GTF3C1: variants seen among roughly 807,000 people sequenced by gnomAD.
GTF3C1 encodes general transcription factor 3C polypeptide 1.
Under a neutral mutation model 226.7 loss-of-function variants are expected in GTF3C1, and 57 were observed. That is an observed-to-expected ratio of 0.25 (90% CI 0.20 to 0.31). The LOEUF (loss-of-function observed/expected upper bound fraction) is 0.31. GTF3C1 is among the 10% of genes least tolerant of loss of function. GTF3C1 has a pLI of 1.00. For synonymous variants in GTF3C1, 1,090 were observed against 1,084.8 expected (o/e 1.00, Z -0.09); for missense variants, 2,217 against 2,776.1 (o/e 0.80, Z 4.53).
chr16:27,465,917 C>A (rs999253717), intron 32 of GTF3C1: 11 of 267,914 alleles, frequency 4.1e-5, no homozygotes, highest in Non-Finnish European at 8.0e-5. Flanking sequence ...TCCTGCTGCT[C>A]ATGTACCCAC....
At chr16:27,514,895 C>A (rs748630266) in intron 6 of GTF3C1, among the ~76,000 whole-genome samples, 2 of 152,212 alleles carry the variant, frequency 1.3e-5, no homozygotes, top group African/African-American at 2.4e-5. Context: ...AATAGAAGAG[C>A]GGCGCGGCGC....
chr16:27,520,008 G>C (rs1258046947), intron 6 of GTF3C1, among the ~76,000 whole-genome samples: 1 of 152,196 alleles, frequency 6.6e-6, no homozygotes, highest in East Asian at 1.9e-4. Context: ...CCACTACTTG[G>C]GAGGGTAAGG....
chr16:27,484,489 C>T (rs1412396862), intron 24 of GTF3C1, 136 bp from the exon 25 acceptor site: 1 of 633,780 alleles, frequency 1.6e-6, no homozygotes, highest in East Asian at 2.7e-5. Context: ...TGTCACCTCA[C>T]AATATTTACT....
intron 21 of GTF3C1, 151 bp downstream of exon 21, chr16:27,488,892 G>A: frequency 7.9e-6 from 6 of 758,266 alleles, no homozygotes; most frequent in Non-Finnish European, 1.4e-5. Flanking sequence ...CATCCACTGG[G>A]AATAAAACAG....
chr16:27,489,495 C>T, intron 20 of GTF3C1, 107 bp downstream of exon 20: 1 of 839,798 alleles, frequency 1.2e-6, no homozygotes, highest in Non-Finnish European at 1.9e-6. Context: ...ACCGGAGACA[C>T]AGGCCGTCTG....
chr16:27,478,676 T>C, intron 27 of GTF3C1, 145 bp from the exon 28 acceptor site: 3 of 701,338 alleles, frequency 4.3e-6, no homozygotes, highest in Admixed American at 2.0e-5. Flanking sequence ...GTGCTGTGCA[T>C]GTAAATTAAA....
Position 27,461,194 on chromosome 16 carries a change from G to A in GTF3C1, c.*156C>T, listed in dbSNP as rs1212533703. ...CTCTTTCCAGAGTTCCAGTACAGTG[G>A]GAAACGTGTCAGTCTGTGACTCTGG... is the stretch of plus-strand genomic sequence containing the variant. On this transcript the variant is annotated 3_prime_UTR_variant, in exon 37 of 37. Transcript: ENST00000356183. This position sits in a 1 kb window ranked among gnomAD's most constrained non-coding sequence, Gnocchi z 5.3. 4 of 595,110 alleles carry A rather than the reference G, an allele frequency of 6.7e-6. No individual in the cohort carries two copies. The East Asian group carries it at 8.3e-5, about 12-fold the overall frequency. The allele number at this position is 595,110 out of a possible 1,614,324, so 36.9% of individuals were successfully genotyped here. A position where few individuals can be genotyped will look rare whatever the true frequency, so the allele number is the denominator to read the frequency against.
intron 4 of GTF3C1, 72 bp downstream of exon 4, chr16:27,537,712 C>T (rs1270342874): frequency 4.5e-6 from 5 of 1,120,230 alleles, no homozygotes; most frequent in South Asian, 4.4e-5. Context: ...CCAGCTGCCC[C>T]TACAATTTTT....
intron 33 of GTF3C1, 95 bp downstream of exon 33, chr16:27,465,165 T>C (rs951220801): frequency 7.1e-6 from 8 of 1,132,572 alleles, no homozygotes; most frequent in East Asian, 2.3e-5. Flanking sequence ...CGCAGCATGC[T>C]ATGCCCCAAA....
intron 7 of GTF3C1, among the ~76,000 whole-genome samples, chr16:27,509,292 T>C (rs1316396810): frequency 6.6e-6 from 1 of 152,246 alleles, no homozygotes. Context: ...TATGTCAGGA[T>C]TGTGAGTATA....
chr16:27,474,415 G>A (rs933482397), intron 29 of GTF3C1, among the ~76,000 whole-genome samples: 11 of 152,226 alleles, frequency 7.2e-5, no homozygotes, highest in South Asian at 2.1e-4. Context: ...AGCTTTTGCC[G>A]TTGGGGCTGG....
chr16:27,480,738 C>A, intron 27 of GTF3C1: 1 of 261,296 alleles, frequency 3.8e-6, no homozygotes, highest in Non-Finnish European at 7.4e-6. Context: ...CTCCTATGTT[C>A]AAATCCTGGC....
rs75102029 is a variant in GTF3C1, at chr16:27,530,119, T to C, written c.850-1398A>G. On this transcript the variant is annotated intron_variant, in intron 5 of 36. Transcript: ENST00000356183. ...TGAATCTTACAGCTTTCCTCTTACA[T>C]TCTGGGGGGAGAGACAGGGAGCAAA... Among the ~76,000 whole-genome samples the C allele has an allele frequency of 9.5e-3, 1,450 of 152,246 alleles. 19 individuals carry two copies. The highest frequency in any genetic ancestry group is 0.025 in the African/African-American group (1,040 of 41,538).
rs143982942 is a variant in GTF3C1 at position 27,464,324 on chromosome 16, G to A, written c.5868C>T (p.Pro1956=). The A allele has an allele frequency of 4.0e-6, 6 of 1,493,524 alleles. No homozygotes were observed. The highest frequency in any genetic ancestry group is 5.3e-6 in the Non-Finnish European group (6 of 1,123,828). 92.5% of individuals were successfully genotyped at this position (1,493,524 alleles called of 1,614,324 possible). ...GGGGGACAAGGCGCGCGGTACCTCTGGGGTCTTCAGAGCCCTCTGGAGGCT... is the reference window on the plus strand; with the variant it reads ...GGGGGACAAGGCGCGCGGTACCTCTAGGGTCTTCAGAGCCCTCTGGAGGCT... ...QAQPPEGSED[P]RGFTESFGAA... The change falls in exon 34 of 37, where the codon CCC becomes CCT. Residue 1956 remains proline, a synonymous_variant. Transcript: ENST00000356183.
At chr16:27,527,698 G>A (rs926545420) in intron 6 of GTF3C1, among the ~76,000 whole-genome samples, 4 of 152,088 alleles carry the variant, frequency 2.6e-5, no homozygotes, top group African/African-American at 9.7e-5. Flanking sequence ...ACTTCACAAA[G>A]GCAGGCTAAA....
rs1353651750 is a variant in GTF3C1 at position 27,463,297 on chromosome 16, G to A, written c.5924+244C>T. ...CAGCACCAGGCATGGTTCTCCACCA[G>A]CGCCCTGGGCATTCTGGAAGCGCAG... On this transcript the variant is annotated intron_variant, in intron 35 of 36. Transcript: ENST00000356183. This position sits in a 1 kb window ranked among gnomAD's most constrained non-coding sequence, Gnocchi z 4.9. 4 of 541,138 alleles carry A rather than the reference G, an allele frequency of 7.4e-6. No individual in the cohort carries two copies. The highest frequency in any genetic ancestry group is 1.3e-5 in the Non-Finnish European group (4 of 306,614). The allele number at this position is 541,138 out of a possible 1,614,324, so 33.5% of individuals were successfully genotyped here. A position where few individuals can be genotyped will look rare whatever the true frequency, so the allele number is the denominator to read the frequency against.
Position 27,471,195 on chromosome 16 carries a change from C to T in GTF3C1, c.4526+553G>A, listed in dbSNP as rs568060194. On this transcript the variant is annotated intron_variant, in intron 30 of 36. Transcript: ENST00000356183. This position sits in a 1 kb window ranked among gnomAD's most constrained non-coding sequence, Gnocchi z 5.0. Reference sequence around the variant, plus strand: ...TGGTGTGAAGGGGAAGCCGTCAAGACGGCAGCTTAGGAATGTTCTCAGGGA... The same window carrying T: ...TGGTGTGAAGGGGAAGCCGTCAAGATGGCAGCTTAGGAATGTTCTCAGGGA... Among the ~76,000 whole-genome samples, 5 of 152,354 alleles carry T rather than the reference C, an allele frequency of 3.3e-5. No homozygotes were observed. The highest frequency in any genetic ancestry group is 4.8e-5 in the African/African-American group (2 of 41,580).
chr16:27,485,954 C>T lies in GTF3C1; in HGVS notation c.3858+43G>A, dbSNP rs375988923. The T allele has an allele frequency of 7.6e-4, 1,098 of 1,442,004 alleles. 1 individual carries two copies. Among genetic ancestry groups the T allele is most frequent in the Non-Finnish European group, 1.0e-3 (1,076 of 1,052,024 alleles). 89.3% of individuals were successfully genotyped at this position (1,442,004 alleles called of 1,614,324 possible). ...GGAAGGCTCAGACAGGAAGGAGCTCCGAGTGAGGGGCAGGCCCACCGCTGG... is the reference window on the plus strand; with the variant it reads ...GGAAGGCTCAGACAGGAAGGAGCTCTGAGTGAGGGGCAGGCCCACCGCTGG... On this transcript the variant is annotated intron_variant, in intron 24 of 36. Coordinates refer to ENST00000356183, the MANE Select transcript of GTF3C1 (RefSeq NM_001520.4).
chr16:27,464,055 T>C (rs2087744691), intron 34 of GTF3C1: 1 of 441,354 alleles, frequency 2.3e-6, no homozygotes, highest in Admixed American at 4.3e-5. Flanking sequence ...GCCGCTGCAG[T>C]GCACACGCTG....
Sources: allele counts gnomAD v4.1 joint callset (sites outside exome capture counted in the v4.1 genomes callset), GRCh38; gene constraint gnomAD v4.1.1; non-coding constraint Gnocchi (gnomAD v3.1); transcripts MANE v1.5; gene names NCBI Gene and HGNC (gene_info 2026-07-23, HGNC 2026-07-21).